Variants in ROBO2 observed in about 807,000 individuals in gnomAD.
The protein encoded by ROBO2 is roundabout homolog 2.
In ROBO2, 53 loss-of-function variants were observed where a neutral mutation model predicts 160.8. That is an observed-to-expected ratio of 0.33 (90% CI 0.26 to 0.41). The LOEUF is 0.41. Among genes scored for constraint, ROBO2 ranks in the 10% least tolerant of loss-of-function variants. ROBO2 has a pLI of 1.00. For synonymous variants in ROBO2, 664 were observed against 611.7 expected (o/e 1.09, Z -1.26); for missense variants, 1,577 against 1,722.4 (o/e 0.92, Z 1.49).
chr3:76,059,028 T>C (rs552162305), intron 2 of ROBO2, among the ~76,000 whole-genome samples: 3,540 of 150,646 alleles, frequency 0.023, 129 homozygotes, highest in African/African-American at 0.081. Context: ...ATGTGCCACA[T>C]TTTCTTAATC....
At chr3:76,840,893 T>G (rs746360208) in intron 2 of ROBO2, among the ~76,000 whole-genome samples, 2 of 151,898 alleles carry the variant, frequency 1.3e-5, no homozygotes, top group African/African-American at 2.4e-5. Context: ...AACCTCCAAC[T>G]ATTTTCTTCT....
intron 2 of ROBO2, among the ~76,000 whole-genome samples, chr3:76,126,249 G>A (rs2070983994): frequency 2.0e-5 from 3 of 152,158 alleles, no homozygotes; most frequent in Non-Finnish European, 4.4e-5. Flanking sequence ...TAATTTGAGA[G>A]GAGTGTCAAT....
intron 2 of ROBO2, among the ~76,000 whole-genome samples, chr3:76,697,686 T>C (rs1020709446): frequency 2.3e-5 from 3 of 129,996 alleles, no homozygotes; most frequent in Non-Finnish European, 3.5e-5. Context: ...AAAATGAAAA[T>C]ATTAGACAAT....
At chr3:76,798,259 G>GGACAGAAAGAAA in intron 2 of ROBO2, among the ~76,000 whole-genome samples, 1 of 94,284 alleles carries the variant, frequency 1.1e-5, no homozygotes, top group African/African-American at 4.1e-5. Context: ...AAAGAAAGAA[G>GGACAGAAAGAAA]GAAAGAAAGA....
intron 2 of ROBO2, among the ~76,000 whole-genome samples, chr3:76,324,137 C>T (rs2072813616): frequency 1.3e-5 from 2 of 152,110 alleles, no homozygotes; most frequent in African/African-American, 4.8e-5. Context: ...TCTTTCCTCT[C>T]CTTATCATAA....
intron 2 of ROBO2, among the ~76,000 whole-genome samples, chr3:77,225,904 T>G (rs1560284872): frequency 6.6e-6 from 1 of 152,010 alleles, no homozygotes; most frequent in Non-Finnish European, 1.5e-5. Flanking sequence ...ATGTTCAAGA[T>G]GTTTAATTTA....
chr3:76,825,671 T>A (rs2066521453), intron 2 of ROBO2, among the ~76,000 whole-genome samples: 1 of 134,236 alleles, frequency 7.4e-6, no homozygotes, highest in Non-Finnish European at 1.6e-5. Flanking sequence ...CAAAAGGCAG[T>A]GTCTGTTTCA....
intron 2 of ROBO2, among the ~76,000 whole-genome samples, chr3:77,419,532 A>G (rs903926440): frequency 6.6e-6 from 1 of 152,188 alleles, no homozygotes; most frequent in African/African-American, 2.4e-5. Flanking sequence ...TGATAGTGCA[A>G]TGACAGAGGA....
At chr3:76,310,914 T>C (rs555046170) in intron 2 of ROBO2, among the ~76,000 whole-genome samples, 1 of 152,224 alleles carries the variant, frequency 6.6e-6, no homozygotes, top group Non-Finnish European at 1.5e-5. Context: ...AAGCTGTCAG[T>C]ACAACTGCTT....
chr3:77,477,434 C>G, exon 3 of ROBO2: 2 of 1,613,816 alleles, frequency 1.2e-6, no homozygotes, highest in Non-Finnish European at 1.7e-6. Flanking sequence ...TGACTTCCGA[C>G]AAAACCCCAC....
intron 1 of ROBO2, among the ~76,000 whole-genome samples, chr3:77,080,236 G>A (rs1036671917): frequency 5.3e-5 from 8 of 152,144 alleles, no homozygotes; most frequent in Admixed American, 2.6e-4. Flanking sequence ...CCTATTCAGC[G>A]GGTTCTATAG....
exon 21 of ROBO2, chr3:77,607,895 A>T: frequency 6.2e-7 from 1 of 1,613,644 alleles, no homozygotes. Context: ...CTCCCCCCCC[A>T]GTCCAGCCCC....
chr3:76,412,515 G>A (rs1008432603), intron 2 of ROBO2, among the ~76,000 whole-genome samples: 4 of 152,164 alleles, frequency 2.6e-5, no homozygotes, highest in Non-Finnish European at 5.9e-5. Flanking sequence ...CTAGTTACTT[G>A]CTAGGTGCAA....
chr3:77,448,536 C>T (rs1378394495), intron 2 of ROBO2, among the ~76,000 whole-genome samples: 3 of 152,080 alleles, frequency 2.0e-5, no homozygotes, highest in Non-Finnish European at 4.4e-5. Context: ...CTTTGTTAAG[C>T]CACTGAGTTT....
intron 2 of ROBO2, among the ~76,000 whole-genome samples, chr3:77,009,184 T>C (rs540029661): frequency 2.6e-5 from 4 of 152,334 alleles, no homozygotes; most frequent in Non-Finnish European, 4.4e-5. Flanking sequence ...ACATAAATTG[T>C]AGCTATTCCC....
At chr3:77,618,269 CTCTCTT>C (rs1165413677) in intron 22 of ROBO2, 1 of 158,620 alleles carries the variant, frequency 6.3e-6, no homozygotes, top group Non-Finnish European at 1.4e-5. Flanking sequence ...TATTAAAAGA[CTCTCTT>C]TACCTGAGTT....
intron 2 of ROBO2, among the ~76,000 whole-genome samples, chr3:76,103,095 T>A (rs554704206): frequency 1.4e-4 from 22 of 152,196 alleles, no homozygotes; most frequent in African/African-American, 5.1e-4. Context: ...AATGCTGGGA[T>A]TACAGGCGTG....
intron 2 of ROBO2, among the ~76,000 whole-genome samples, chr3:76,834,624 C>A (rs950094609): frequency 6.6e-6 from 1 of 152,078 alleles, no homozygotes; most frequent in African/African-American, 2.4e-5. Flanking sequence ...TGCCCACCTC[C>A]CAAAGTACTG....
At chr3:76,372,453 C>A (rs559663934) in intron 2 of ROBO2, among the ~76,000 whole-genome samples, 1 of 151,920 alleles carries the variant, frequency 6.6e-6, no homozygotes. Flanking sequence ...AGGGCTTAAC[C>A]TTTTGTTTGA....
Sources: allele counts gnomAD v4.1 joint callset (sites outside exome capture counted in the v4.1 genomes callset), GRCh38; gene constraint gnomAD v4.1.1; transcripts MANE v1.5; gene names NCBI Gene and HGNC (gene_info 2026-07-23, HGNC 2026-07-21).